The following PTPRT variants were observed in gnomAD, a reference collection of about 807,000 sequenced individuals.
PTPRT encodes the protein protein tyrosine phosphatase receptor type T.
A neutral mutation model predicts 176.8 loss-of-function variants in PTPRT; 56 were observed. The observed-to-expected ratio is 0.32, with a 90% CI of 0.26 to 0.40. The LOEUF is 0.40. Among genes scored for constraint, PTPRT ranks in the 10% least tolerant of loss-of-function variants. The probability of loss-of-function intolerance (pLI) is 1.00; values close to 1 mark genes in which losing one functional copy is unlikely to be tolerated. For synonymous variants in PTPRT, 783 were observed against 739.0 expected (o/e 1.06, Z -0.96); for missense variants, 1,540 against 1,908.2 (o/e 0.81, Z 3.60).
intron 1 of PTPRT, among the ~76,000 whole-genome samples, chr20:43,027,354 T>C (rs561445257): frequency 6.6e-6 from 1 of 151,756 alleles, no homozygotes; most frequent in Non-Finnish European, 1.5e-5. Flanking sequence ...CGGGTGCCCA[T>C]AATCCCAGCT....
intron 11 of PTPRT, among the ~76,000 whole-genome samples, chr20:42,335,359 AC>A (rs775807208): frequency 2.6e-5 from 4 of 152,048 alleles, no homozygotes; most frequent in Non-Finnish European, 4.4e-5. Flanking sequence ...CTTTCTCAAC[AC>A]CTTACTTTTA....
At chr20:42,426,814 C>A (rs1210036180) in intron 9 of PTPRT, among the ~76,000 whole-genome samples, 2 of 152,130 alleles carry the variant, frequency 1.3e-5, no homozygotes, top group African/African-American at 2.4e-5. Context: ...GGTCAGGGAA[C>A]CCTCTTGTTT....
At chr20:43,027,047 T>C (rs1985941345) in intron 1 of PTPRT, among the ~76,000 whole-genome samples, 1 of 152,232 alleles carries the variant, frequency 6.6e-6, no homozygotes, top group Non-Finnish European at 1.5e-5. Context: ...AGTGCAGATA[T>C]CTCTTCAATA....
chr20:42,751,805 C>T (rs757393921), intron 6 of PTPRT, among the ~76,000 whole-genome samples: 4 of 152,146 alleles, frequency 2.6e-5, no homozygotes, highest in African/African-American at 4.8e-5. Flanking sequence ...GGCTACACTG[C>T]CGAGCTTTCC....
intron 9 of PTPRT, among the ~76,000 whole-genome samples, chr20:42,352,682 T>C (rs2058302750): frequency 2.0e-5 from 3 of 152,206 alleles, no homozygotes; most frequent in Admixed American, 2.0e-4. Context: ...TGGTCAAAAA[T>C]AATTTAACTG....
At chr20:42,340,692 T>C (rs1401892009) in intron 11 of PTPRT, among the ~76,000 whole-genome samples, 4 of 152,158 alleles carry the variant, frequency 2.6e-5, no homozygotes, top group African/African-American at 4.8e-5. Flanking sequence ...AGAAATGCAC[T>C]TGATGGAAGC....
At chr20:42,937,078 G>A (rs1308476950) in intron 1 of PTPRT, among the ~76,000 whole-genome samples, 2 of 152,270 alleles carry the variant, frequency 1.3e-5, no homozygotes, top group Admixed American at 1.3e-4. Flanking sequence ...CCTGCGCAGT[G>A]GGAATCTCGG....
chr20:43,063,584 T>C (rs2146257255), intron 1 of PTPRT: 1 of 152,398 alleles, frequency 6.6e-6, no homozygotes, highest in East Asian at 1.9e-4. Flanking sequence ...TCCTGCTAAA[T>C]GCCATGCTGG....
chr20:43,043,993 AG>A (rs1193551704), intron 1 of PTPRT, among the ~76,000 whole-genome samples: 2 of 152,036 alleles, frequency 1.3e-5, no homozygotes, highest in East Asian at 3.9e-4. Flanking sequence ...TGCTGGCCTA[AG>A]GGAGTCCCAG....
chr20:43,130,993 T>C (rs904039850), intron 1 of PTPRT, among the ~76,000 whole-genome samples: 2 of 152,234 alleles, frequency 1.3e-5, no homozygotes, highest in Non-Finnish European at 2.9e-5. Flanking sequence ...GATCTCCACC[T>C]GACGCCTACA....
At chr20:42,187,602 C>A (rs2146622703) in intron 16 of PTPRT, among the ~76,000 whole-genome samples, 1 of 152,290 alleles carries the variant, frequency 6.6e-6, no homozygotes, top group Non-Finnish European at 1.5e-5. Context: ...GATCCACTCC[C>A]AACCATTAAT....
Position 42,618,565 on chromosome 20 carries a change from G to T in PTPRT, c.1153+59301C>A, listed in dbSNP as rs1385249105. Among the ~76,000 whole-genome samples, 12 of 130,810 alleles carry T rather than the reference G, an allele frequency of 9.2e-5. 2 individuals are homozygous for T. The highest frequency in any genetic ancestry group is 6.6e-4 in the Admixed American group (9 of 13,728). The allele number at this position is 130,810 out of a possible 152,430, so 85.8% of individuals were successfully genotyped here. On this transcript the variant is annotated intron_variant, in intron 7 of 30. Coordinates refer to ENST00000373187, the MANE Select transcript of PTPRT (RefSeq NM_007050.6). Reference sequence around the variant, plus strand: ...TGTTAAAGTCTCCCATTATTAATGTGTGGGAGTCTAAGTCTCTTTGTAGGT... The same window carrying T: ...TGTTAAAGTCTCCCATTATTAATGTTTGGGAGTCTAAGTCTCTTTGTAGGT...
chr20:42,302,968 C>A (rs928328231), intron 12 of PTPRT, among the ~76,000 whole-genome samples: 5 of 152,216 alleles, frequency 3.3e-5, no homozygotes, highest in African/African-American at 1.2e-4. Flanking sequence ...TCCAATACTG[C>A]ATTTTATACT....
intron 7 of PTPRT, among the ~76,000 whole-genome samples, chr20:42,582,475 G>A (rs1200564040): frequency 1.3e-5 from 2 of 152,162 alleles, no homozygotes; most frequent in African/African-American, 4.8e-5. Flanking sequence ...CTATAGTTGT[G>A]CACAAAACCA....
At chr20:42,991,573 T>C (rs937758274) in intron 1 of PTPRT, among the ~76,000 whole-genome samples, 3 of 151,070 alleles carry the variant, frequency 2.0e-5, no homozygotes, top group Non-Finnish European at 3.0e-5. Context: ...CAGATGGAAA[T>C]GGGAAGTTAC....
chr20:42,684,080 C>T (rs2425518), intron 6 of PTPRT, among the ~76,000 whole-genome samples: 5,779 of 152,156 alleles, frequency 0.038, 404 homozygotes, highest in African/African-American at 0.13. Context: ...TGGCTGGGAA[C>T]GGTGACTCAT....
chr20:42,579,596 C>T (rs2073333900), intron 7 of PTPRT, among the ~76,000 whole-genome samples: 1 of 152,126 alleles, frequency 6.6e-6, no homozygotes, highest in Non-Finnish European at 1.5e-5. Context: ...TTAATGATGG[C>T]CATTCTAACT....
intron 8 of PTPRT, among the ~76,000 whole-genome samples, chr20:42,466,409 T>C (rs1008581094): frequency 1.3e-5 from 2 of 152,186 alleles, no homozygotes; most frequent in African/African-American, 4.8e-5. Context: ...ATCAAATTGA[T>C]AATATAACCA....
At chr20:43,153,977 G>C (rs1165003889) in intron 1 of PTPRT, among the ~76,000 whole-genome samples, 1 of 152,174 alleles carries the variant, frequency 6.6e-6, no homozygotes, top group Non-Finnish European at 1.5e-5. Context: ...AAGAACTGCT[G>C]CAAGTTCCTT....
Sources: gnomAD v4.1 joint callset for allele counts (sites outside exome capture counted in the v4.1 genomes callset) on GRCh38, gnomAD v4.1.1 for gene constraint, MANE v1.5 for transcripts, NCBI Gene and HGNC (gene_info 2026-07-23, HGNC 2026-07-21) for gene names.